The following ASAP2 variants were observed in gnomAD, a reference collection of about 807,000 sequenced individuals.
ASAP2 encodes arf-GAP with SH3 domain, ANK repeat and PH domain-containing protein 2.
A neutral mutation model predicts 131.4 loss-of-function variants in ASAP2; 45 were observed. The ratio of observed to expected loss-of-function variants is 0.34; its 90% CI spans 0.27 to 0.44. ASAP2 has a LOEUF of 0.44. Among genes scored for constraint, ASAP2 ranks in the 20% least tolerant of loss-of-function variants. The probability of loss-of-function intolerance (pLI) is 1.00; values close to 1 mark genes in which losing one functional copy is unlikely to be tolerated. For missense variants in ASAP2, 1,011 were observed against 1,297.0 expected, an observed-to-expected ratio of 0.78 and a Z score of 3.39; for synonymous variants, 510 against 503.0, an observed-to-expected ratio of 1.01 and a Z score of -0.19.
intron 3 of ASAP2, among the ~76,000 whole-genome samples, chr2:9,303,690 A>G (rs1011624512): frequency 6.6e-6 from 1 of 152,262 alleles, no homozygotes; most frequent in Non-Finnish European, 1.5e-5. Context: ...AACCAAAAAC[A>G]AAAGCACATT....
chr2:9,334,713 C>G (rs1472758421), intron 7 of ASAP2, 25 bp from the exon 8 acceptor site: 1 of 1,600,712 alleles, frequency 6.2e-7, no homozygotes, highest in Non-Finnish European at 8.5e-7. Context: ...GAAATGTCAT[C>G]TCTGTTTCTT....
Position 9,268,353 on chromosome 2 carries a change from A to G in ASAP2, c.127-10964A>G, listed in dbSNP as rs1459967595. ...CTGAGTAATTTTAATTTTTTAAGAT[A>G]ATACCAAAACACGCCCTTCTCATCT... On this transcript the variant is annotated intron_variant, in intron 1 of 27. Transcript: ENST00000281419. This position sits in a 1 kb window ranked among gnomAD's most constrained non-coding sequence, Gnocchi z 4.1. Among the ~76,000 whole-genome samples, 1 of 152,196 alleles carries G rather than the reference A, an allele frequency of 6.6e-6. No homozygotes were observed. The highest frequency in any genetic ancestry group is 2.4e-5 in the African/African-American group (1 of 41,434).
chr2:9,209,074 C>G lies in ASAP2; in HGVS notation c.126+1844C>G, dbSNP rs192557173. Among the ~76,000 whole-genome samples the G allele has an allele frequency of 1.1e-3, 170 of 152,300 alleles. 1 individual carries two copies. Among genetic ancestry groups the G allele is most frequent in the African/African-American group, 3.7e-3 (152 of 41,566 alleles). ...TTTGTATGCTGTGCAGGAGATTACC[C>G]TAGAGCTCAGTTACTGAGCAGATTA... On this transcript the variant is annotated intron_variant, in intron 1 of 27. Coordinates refer to ENST00000281419, the MANE Select transcript of ASAP2 (RefSeq NM_003887.3).
intron 6 of ASAP2, among the ~76,000 whole-genome samples, chr2:9,325,789 G>A (rs1266584800): frequency 2.0e-5 from 3 of 152,160 alleles, no homozygotes; most frequent in African/African-American, 4.8e-5. Flanking sequence ...GCCATCTTTC[G>A]AGCAGTCCTC....
intron 16 of ASAP2, among the ~76,000 whole-genome samples, chr2:9,373,596 G>A (rs1452737050): frequency 1.3e-5 from 2 of 152,232 alleles, no homozygotes; most frequent in Admixed American, 6.5e-5. Context: ...GGGATTTAGG[G>A]CAGGTACAGA....
At chr2:9,326,103 G>A (rs576550029) in intron 6 of ASAP2, among the ~76,000 whole-genome samples, 11 of 152,218 alleles carry the variant, frequency 7.2e-5, no homozygotes, top group South Asian at 2.1e-4. Context: ...TTAAAAGGCC[G>A]GGCAGGGTGG....
intron 1 of ASAP2, among the ~76,000 whole-genome samples, chr2:9,276,437 T>G (rs1185472993): frequency 2.0e-5 from 3 of 152,162 alleles, no homozygotes; most frequent in African/African-American, 7.2e-5. Flanking sequence ...GATGATCAGA[T>G]TTTTAAAGCT....
intron 1 of ASAP2, among the ~76,000 whole-genome samples, chr2:9,251,248 A>C (rs1342762444): frequency 6.6e-6 from 1 of 152,192 alleles, no homozygotes; most frequent in Non-Finnish European, 1.5e-5. Context: ...CTTTCCCTCT[A>C]GTCACTTGTC....
intron 15 of ASAP2, among the ~76,000 whole-genome samples, chr2:9,367,737 G>A (rs1222948071): frequency 1.3e-5 from 2 of 152,164 alleles, no homozygotes; most frequent in Non-Finnish European, 2.9e-5. Flanking sequence ...ACTTCGGCCT[G>A]GGCAACAGAG....
At chr2:9,355,943 A>G (rs2148650178) in intron 12 of ASAP2, 104 bp from the exon 13 acceptor site, 1 of 1,381,054 alleles carries the variant, frequency 7.2e-7, no homozygotes. Context: ...ATTTCGTAAC[A>G]GAGAGCTAAG....
chr2:9,310,728 T>C (rs999567249), intron 3 of ASAP2, among the ~76,000 whole-genome samples: 4 of 151,956 alleles, frequency 2.6e-5, no homozygotes, highest in African/African-American at 9.7e-5. Flanking sequence ...TGGGGGAAAG[T>C]AGAAAGTGAC....
At chr2:9,299,496 T>A (rs2148404273) in intron 3 of ASAP2, among the ~76,000 whole-genome samples, 1 of 152,244 alleles carries the variant, frequency 6.6e-6, no homozygotes, top group East Asian at 1.9e-4. Context: ...TCCTAAAGGA[T>A]GTGTTTTAGT....
intron 15 of ASAP2, among the ~76,000 whole-genome samples, chr2:9,360,664 A>G (rs1394325303): frequency 6.6e-6 from 1 of 152,246 alleles, no homozygotes; most frequent in Non-Finnish European, 1.5e-5. Flanking sequence ...GAAGTTGGAA[A>G]AAGATGTTCA....
chr2:9,368,288 T>C, intron 15 of ASAP2, 137 bp from the exon 16 acceptor site: 2 of 755,864 alleles, frequency 2.6e-6, no homozygotes, highest in Non-Finnish European at 4.3e-6. Flanking sequence ...GTTTTGTCCA[T>C]CTTCATTAAA....
At chr2:9,246,667 T>C (rs544015273) in intron 1 of ASAP2, among the ~76,000 whole-genome samples, 130 of 152,330 alleles carry the variant, frequency 8.5e-4, no homozygotes, top group Admixed American at 3.1e-3. Flanking sequence ...TGAGAGGTCT[T>C]CAATTTAGTC....
Position 9,374,753 on chromosome 2 carries a change from A to G in ASAP2, c.1557-2A>G, listed in dbSNP as rs1389798732. 1 of 1,589,632 alleles carries G rather than the reference A, an allele frequency of 6.3e-7. No homozygotes were observed. Among genetic ancestry groups the G allele is most frequent in the Non-Finnish European group, 8.6e-7 (1 of 1,169,172 alleles). On this transcript the variant is annotated splice_acceptor_variant, in intron 16 of 27. Coordinates refer to ENST00000281419, the MANE Select transcript of ASAP2 (RefSeq NM_003887.3). LOFTEE classifies it high-confidence loss of function. ...TTGCAAGGCAATTACGTTTGGTTTC[A>G]GGAATGCAAGAAAGGACTACATCAC...
intron 1 of ASAP2, among the ~76,000 whole-genome samples, chr2:9,247,953 A>G (rs189658355): frequency 5.9e-5 from 9 of 152,272 alleles, no homozygotes; most frequent in Admixed American, 5.9e-4. Flanking sequence ...AGGCATAATT[A>G]TGCTCCACTT....
intron 1 of ASAP2, among the ~76,000 whole-genome samples, chr2:9,264,794 GA>G (rs1665828432): frequency 6.6e-6 from 1 of 152,044 alleles, no homozygotes; most frequent in Admixed American, 6.6e-5. Flanking sequence ...GTCTCAAGGG[GA>G]AAATATTCAA....
intron 27 of ASAP2, among the ~76,000 whole-genome samples, chr2:9,401,660 C>T (rs567498729): frequency 2.6e-5 from 4 of 152,314 alleles, no homozygotes; most frequent in African/African-American, 9.6e-5. Flanking sequence ...AAATGACACT[C>T]CTTCATTTTG....
Sources: gnomAD v4.1 joint callset for allele counts (sites outside exome capture counted in the v4.1 genomes callset) on GRCh38, gnomAD v4.1.1 for gene constraint, Gnocchi (gnomAD v3.1) non-coding constraint, MANE v1.5 for transcripts, NCBI Gene and HGNC (gene_info 2026-07-23, HGNC 2026-07-21) for gene names.